Variants in SCARB2 observed in about 807,000 individuals in gnomAD.
The protein encoded by SCARB2 is scavenger receptor class B member 2, also known as lysosome membrane protein 2.
A neutral mutation model predicts 58.6 loss-of-function variants in SCARB2; 29 were observed. The observed-to-expected ratio is 0.49, with a 90% CI of 0.37 to 0.67. SCARB2 has a LOEUF of 0.67. Ranked by LOEUF, SCARB2 falls within the 30% of genes least tolerant of loss-of-function variation. SCARB2 has a pLI of 0.00. For missense variants in SCARB2, 488 were observed against 578.5 expected, an observed-to-expected ratio of 0.84 and a Z score of 1.60; for synonymous variants, 195 against 210.1, an observed-to-expected ratio of 0.93 and a Z score of 0.62.
intron 7 of SCARB2, 111 bp downstream of exon 7, chr4:76,174,033 G>C (rs1732191526): frequency 1.5e-6 from 2 of 1,345,666 alleles, no homozygotes; most frequent in Non-Finnish European, 2.1e-6. Context: ...AGCATCCTTA[G>C]TAGCTGGGAC....
Position 76,213,410 on chromosome 4 carries a change from A to G in SCARB2, c.117+17T>C. The G allele has an allele frequency of 1.3e-6, 2 of 1,559,758 alleles. No individual in the cohort carries two copies. Among genetic ancestry groups the G allele is most frequent in the Non-Finnish European group, 1.8e-6 (2 of 1,136,984 alleles). On this transcript the variant is annotated intron_variant, in intron 1 of 11. Coordinates refer to ENST00000264896, the MANE Select transcript of SCARB2 (RefSeq NM_005506.4). ...CTGGACGACTCCACAACACACACAC[A>G]GCCCGCCCCGCCTCACCTTCTCGAT...
chr4:76,190,938 C>T (rs1429221715), intron 2 of SCARB2, among the ~76,000 whole-genome samples: 1 of 152,162 alleles, frequency 6.6e-6, no homozygotes, highest in African/African-American at 2.4e-5. Context: ...GTAAAATGCA[C>T]ACAGGATTTC....
At chr4:76,172,444 T>TG (rs1732152430) in intron 7 of SCARB2, among the ~76,000 whole-genome samples, 1 of 151,982 alleles carries the variant, frequency 6.6e-6, no homozygotes, top group East Asian at 1.9e-4. Flanking sequence ...TTTGTTCAGA[T>TG]GGGGTCTCCC....
At chr4:76,226,957 T>C (rs1307158861) in intron 1 of SCARB2, among the ~76,000 whole-genome samples, 1 of 152,182 alleles carries the variant, frequency 6.6e-6, no homozygotes, top group Non-Finnish European at 1.5e-5. Flanking sequence ...CAATTTTGTT[T>C]ATCATTTCAA....
chr4:76,229,905 C>T (rs1404426177), intron 1 of SCARB2, among the ~76,000 whole-genome samples: 1 of 152,182 alleles, frequency 6.6e-6, no homozygotes, highest in Non-Finnish European at 1.5e-5. Context: ...GTTGTTTTCT[C>T]CTCCCTTGGA....
At chr4:76,172,332 T>A (rs1732150466) in intron 7 of SCARB2, among the ~76,000 whole-genome samples, 1 of 151,680 alleles carries the variant, frequency 6.6e-6, no homozygotes, top group Non-Finnish European at 1.5e-5. Flanking sequence ...AGTGTTGCAA[T>A]CATAGCTCAC....
chr4:76,187,569 G>GA (rs1732513545), intron 2 of SCARB2, among the ~76,000 whole-genome samples: 1 of 152,072 alleles, frequency 6.6e-6, no homozygotes, highest in African/African-American at 2.4e-5. Context: ...ATATAACATT[G>GA]AAAAATCCTA....
intron 1 of SCARB2, among the ~76,000 whole-genome samples, chr4:76,207,047 G>A (rs1157523222): frequency 6.6e-6 from 1 of 152,132 alleles, no homozygotes; most frequent in Admixed American, 6.6e-5. Context: ...ATAATTAAAT[G>A]AAAACTAGAT....
intron 4 of SCARB2, chr4:76,179,219 A>G (rs986928264): frequency 1.3e-5 from 5 of 375,478 alleles, no homozygotes; most frequent in African/African-American, 2.1e-5. Context: ...ACAGCTGGCT[A>G]ATTTTTGTAT....
At position 76,174,289 on chromosome 4, in the gene SCARB2, G is replaced by A. The variant is rs749371675; in HGVS notation, c.849C>T (p.Asp283=). ...FCRSVYITFS[D]YESVQGLPAF... ...CAGGCAGTCCCTGTACACTCTCATA[G>A]TCACTGAAAGTAATATACACTGACC... The change falls in exon 7 of 12, where the codon GAC becomes GAT. Residue 283 remains aspartate, a synonymous_variant. Transcript: ENST00000264896. 2.5e-6 allele frequency: 4 copies of A among 1,614,002 alleles called. No individual in the cohort carries two copies. The South Asian group carries it at 4.4e-5, about 18-fold the overall frequency.
chr4:76,207,839 A>G (rs1732959713), intron 1 of SCARB2, among the ~76,000 whole-genome samples: 1 of 152,234 alleles, frequency 6.6e-6, no homozygotes. Context: ...ACAATAAAGC[A>G]AAGTAGTTTC....
Position 76,180,773 on chromosome 4 carries a change from A to G in SCARB2, c.423+181T>C, listed in dbSNP as rs190450474. ...TCATCATTTGAAAAGACCTTATTTG[A>G]TACATCTTAGAAAAAAGTCCAAGAT... is the stretch of plus-strand genomic sequence containing the variant. On this transcript the variant is annotated intron_variant, in intron 3 of 11. Transcript: ENST00000264896. 2.6e-4 allele frequency: 112 copies of G among 430,110 alleles called. No homozygotes were observed. In the East Asian group the frequency reaches 4.1e-3, roughly 16 times the overall value. 26.6% of individuals were successfully genotyped at this position (430,110 alleles called of 1,614,324 possible). A position where few individuals can be genotyped will look rare whatever the true frequency, so the allele number is the denominator to read the frequency against.
chr4:76,219,344 G>A (rs985656909), intron 1 of SCARB2, among the ~76,000 whole-genome samples: 1 of 152,180 alleles, frequency 6.6e-6, no homozygotes, highest in Admixed American at 6.5e-5. Context: ...TATATCTAAT[G>A]TATATTCTGA....
intron 1 of SCARB2, among the ~76,000 whole-genome samples, chr4:76,229,602 T>C (rs1465277742): frequency 2.6e-5 from 4 of 152,204 alleles, no homozygotes; most frequent in African/African-American, 9.7e-5. Context: ...TGAATGATTA[T>C]TATTGCTCTT....
intron 1 of SCARB2, among the ~76,000 whole-genome samples, chr4:76,229,956 T>C (rs115105683): frequency 0.059 from 8,933 of 152,176 alleles, 282 homozygotes; most frequent in Middle Eastern, 0.088. Flanking sequence ...TGTCCTGAGG[T>C]GGATGATCTC....
chr4:76,190,008 ACTTTT>A (rs1352132450), intron 2 of SCARB2, among the ~76,000 whole-genome samples: 4 of 145,400 alleles, frequency 2.8e-5, no homozygotes, highest in African/African-American at 1.0e-4. Context: ...TATACTTGAC[ACTTTT>A]TTTTTTTTTT....
chr4:76,166,239 T>C lies in SCARB2; in HGVS notation c.1239+11A>G. The C allele has an allele frequency of 6.2e-7, 1 of 1,613,986 alleles. No homozygotes were observed. Among genetic ancestry groups the C allele is most frequent in the Non-Finnish European group, 8.5e-7 (1 of 1,179,854 alleles). On this transcript the variant is annotated intron_variant, in intron 10 of 11. Transcript: ENST00000264896. Reference sequence around the variant, plus strand: ...GAAAACACCCGTGGCTCCCTCCGTCTCAGGACTTACCTCATTGAGGTACAT... The same window carrying C: ...GAAAACACCCGTGGCTCCCTCCGTCCCAGGACTTACCTCATTGAGGTACAT...
chr4:76,198,926 G>T (rs1374653034), intron 1 of SCARB2, among the ~76,000 whole-genome samples: 2 of 151,686 alleles, frequency 1.3e-5, no homozygotes, highest in Non-Finnish European at 2.9e-5. Context: ...GAGAACAGAG[G>T]GAAGTTGTAA....
Position 76,188,881 on chromosome 4 carries a change from A to C in SCARB2, c.275+6826T>G, listed in dbSNP as rs150683830. ...CTGTAAGGAGCTCTTAGCAGCCTGCACTGCACATATGCATATTCCTAACAA... is the reference window on the plus strand; with the variant it reads ...CTGTAAGGAGCTCTTAGCAGCCTGCCCTGCACATATGCATATTCCTAACAA... On this transcript the variant is annotated intron_variant, in intron 2 of 11. Transcript: ENST00000264896. 2.9e-4 allele frequency among the ~76,000 whole-genome samples: 44 copies of C among 152,342 alleles called. 2 individuals carry two copies. In the East Asian group the frequency reaches 8.3e-3, roughly 29 times the overall value.
Sources: allele counts gnomAD v4.1 joint callset (sites outside exome capture counted in the v4.1 genomes callset), GRCh38; gene constraint gnomAD v4.1.1; transcripts MANE v1.5; gene names NCBI Gene and HGNC (gene_info 2026-07-23, HGNC 2026-07-21).